The following SORCS2 variants were observed in gnomAD, a reference collection of about 807,000 sequenced individuals.
The protein encoded by SORCS2 is sortilin related VPS10 domain containing receptor 2, also known as VPS10 domain-containing receptor SorCS2.
A neutral mutation model predicts 141.6 loss-of-function variants in SORCS2; 100 were observed. That is an observed-to-expected ratio of 0.71 (90% CI 0.60 to 0.83). The LOEUF (loss-of-function observed/expected upper bound fraction) is 0.83. Ranked by LOEUF, SORCS2 falls within the 40% of genes least tolerant of loss-of-function variation. The pLI is 0.00. For synonymous variants in SORCS2, 789 were observed against 676.9 expected (o/e 1.17, Z -2.57); for missense variants, 1,646 against 1,560.2 (o/e 1.05, Z -0.93).
intron 2 of SORCS2, among the ~76,000 whole-genome samples, chr4:7,407,932 A>C (rs1725073233): frequency 1.5e-5 from 2 of 133,706 alleles, no homozygotes; most frequent in African/African-American, 5.3e-5. Context: ...CACAAAGAAA[A>C]GAATAGAAAC....
At chr4:7,427,494 G>A (rs576259767) in intron 2 of SORCS2, among the ~76,000 whole-genome samples, 40 of 152,298 alleles carry the variant, frequency 2.6e-4, no homozygotes, top group African/African-American at 7.9e-4. Context: ...GGCAGGGGCC[G>A]AGGAGCTGGG....
At chr4:7,194,279 G>A (rs1727037769) in intron 1 of SORCS2, among the ~76,000 whole-genome samples, 1 of 152,110 alleles carries the variant, frequency 6.6e-6, no homozygotes, top group Non-Finnish European at 1.5e-5. Context: ...GCAGTGGCAT[G>A]GGTGGGGAGC....
intron 3 of SORCS2, among the ~76,000 whole-genome samples, chr4:7,583,801 G>A (rs986703086): frequency 1.4e-4 from 22 of 152,314 alleles, no homozygotes; most frequent in South Asian, 8.3e-4. Flanking sequence ...CATCAGCAGC[G>A]TGAAAACAGA....
At chr4:7,383,319 G>A (rs967064289) in intron 1 of SORCS2, among the ~76,000 whole-genome samples, 1 of 152,218 alleles carries the variant, frequency 6.6e-6, no homozygotes. Context: ...ACATTGTTCA[G>A]AGGCTGCTGT....
intron 8 of SORCS2, among the ~76,000 whole-genome samples, chr4:7,674,465 C>T (rs978632381): frequency 2.6e-5 from 4 of 151,024 alleles, no homozygotes; most frequent in East Asian, 3.9e-4. Flanking sequence ...CCCAGCTACT[C>T]GGGAGGCTGA....
At chr4:7,522,676 C>A (rs1477010691) in intron 2 of SORCS2, among the ~76,000 whole-genome samples, 1 of 148,012 alleles carries the variant, frequency 6.8e-6, no homozygotes, top group African/African-American at 2.5e-5. Context: ...TCCTCCCTTT[C>A]TTCCCTCTTC....
intron 2 of SORCS2, among the ~76,000 whole-genome samples, chr4:7,446,704 A>G (rs1728024734): frequency 6.6e-6 from 1 of 152,152 alleles, no homozygotes; most frequent in Non-Finnish European, 1.5e-5. Flanking sequence ...TGTTCCTGGC[A>G]TACAAGGGGG....
chr4:7,207,816 A>G (rs1477154965), intron 1 of SORCS2, among the ~76,000 whole-genome samples: 3 of 152,230 alleles, frequency 2.0e-5, no homozygotes, highest in African/African-American at 7.2e-5. Flanking sequence ...ACTTTTAAAG[A>G]AAGTATTTCT....
At chr4:7,327,337 C>T (rs1053261522) in intron 1 of SORCS2, among the ~76,000 whole-genome samples, 5 of 152,194 alleles carry the variant, frequency 3.3e-5, no homozygotes, top group Admixed American at 6.5e-5. Flanking sequence ...CGGCTTGCAC[C>T]ACATCCCTCC....
At chr4:7,488,019 G>A (rs10937825) in intron 2 of SORCS2, among the ~76,000 whole-genome samples, 59,853 of 152,016 alleles carry the variant, frequency 0.39, 12,365 homozygotes, top group Middle Eastern at 0.45. Flanking sequence ...CTCCAGGAGC[G>A]TAGCCCTGCG....
At chr4:7,374,800 C>A (rs189002412) in intron 1 of SORCS2, among the ~76,000 whole-genome samples, 30 of 152,310 alleles carry the variant, frequency 2.0e-4, no homozygotes, top group African/African-American at 7.2e-4. Flanking sequence ...ATCTTGTGCT[C>A]CCTCCAGCCT....
rs976157726 is a variant in SORCS2, at chr4:7,286,335, C to T, written c.480+93209C>T. ...GAGAGCAGGCCTGTTGTGGGAGCAG[C>T]GGAAGAGCCTGGGGTGGCTCTGGGG... On this transcript the variant is annotated intron_variant, in intron 1 of 26. Coordinates refer to ENST00000507866, the MANE Select transcript of SORCS2 (RefSeq NM_020777.3). This position sits in a 1 kb window ranked among gnomAD's most constrained non-coding sequence, Gnocchi z 4.1. Among the ~76,000 whole-genome samples, 19 of 152,332 alleles carry T rather than the reference C, an allele frequency of 1.2e-4. No individual in the cohort carries two copies. The highest frequency in any genetic ancestry group is 1.9e-4 in the Non-Finnish European group (13 of 68,020).
Position 7,193,059 on chromosome 4 carries a change from C to G in SORCS2, c.413C>G (p.Ser138Trp). Reference sequence around the variant, plus strand: ...GCGCAGGTCTCGCTCATCAGCACGTCGTTCGTGCTCAAGGGGGACGCGACG... The same window carrying G: ...GCGCAGGTCTCGCTCATCAGCACGTGGTTCGTGCTCAAGGGGGACGCGACG... ...SRAQVSLIST[S>W]FVLKGDATHN... is the part of the protein sequence containing the mutation. Residue 138 changes from serine (S) to tryptophan (W), a missense_variant, in exon 1 of 27, where the codon TCG (serine) becomes TGG (tryptophan). Transcript: ENST00000507866. This position sits in a 1 kb window ranked among gnomAD's most constrained non-coding sequence, Gnocchi z 4.8. The G allele has an allele frequency of 6.5e-7, 1 of 1,550,240 alleles. No homozygotes were observed. The highest frequency in any genetic ancestry group is 1.2e-5 in the South Asian group (1 of 85,794).
At chr4:7,616,939 GC>G (rs1191027439) in intron 3 of SORCS2, among the ~76,000 whole-genome samples, 1 of 152,156 alleles carries the variant, frequency 6.6e-6, no homozygotes, top group African/African-American at 2.4e-5. Flanking sequence ...GCCCCACAAG[GC>G]CCCTGAGCCC....
intron 3 of SORCS2, among the ~76,000 whole-genome samples, chr4:7,534,970 C>T (rs1664251401): frequency 1.3e-5 from 2 of 152,222 alleles, no homozygotes; most frequent in Non-Finnish European, 2.9e-5. Context: ...GCTCTCCCCT[C>T]ACCCACATTG....
chr4:7,572,702 G>A (rs557696896), intron 3 of SORCS2, among the ~76,000 whole-genome samples: 3 of 152,146 alleles, frequency 2.0e-5, no homozygotes, highest in Admixed American at 6.5e-5. Flanking sequence ...TAACAGGACT[G>A]CAAAATTTTA....
chr4:7,416,844 ATGCATGCACACACACACTTG>A (rs1227057485), intron 2 of SORCS2, among the ~76,000 whole-genome samples: 1 of 152,100 alleles, frequency 6.6e-6, no homozygotes, highest in Non-Finnish European at 1.5e-5. Flanking sequence ...ACAAACATGC[ATGCATGCACACACACACTTG>A]TGCATGCTCA....
Position 7,585,181 on chromosome 4 carries a change from A to G in SORCS2, c.649-53147A>G, listed in dbSNP as rs553737309. On this transcript the variant is annotated intron_variant, in intron 3 of 26. Transcript: ENST00000507866. The stretch of plus-strand genomic sequence containing the variant: ...CTGGGACTTATTTTCTTTAGTGGGG[A>G]ATGGGCAGGATGGTCGGGGAAGCCT... Among the ~76,000 whole-genome samples the G allele has an allele frequency of 2.6e-5, 4 of 152,306 alleles. No individual in the cohort carries two copies. The South Asian group carries it at 6.2e-4, about 24-fold the overall frequency.
intron 1 of SORCS2, among the ~76,000 whole-genome samples, chr4:7,296,302 ATT>A (rs1444937506): frequency 6.6e-6 from 1 of 152,030 alleles, no homozygotes; most frequent in Non-Finnish European, 1.5e-5. Flanking sequence ...GTGTACCCTG[ATT>A]TTCTCTCTGG....
Sources: gnomAD v4.1 joint callset for allele counts (sites outside exome capture counted in the v4.1 genomes callset) on GRCh38, gnomAD v4.1.1 for gene constraint, Gnocchi (gnomAD v3.1) non-coding constraint, MANE v1.5 for transcripts, NCBI Gene and HGNC (gene_info 2026-07-23, HGNC 2026-07-21) for gene names.